Variants in UNC13C observed in about 807,000 individuals in gnomAD.
UNC13C encodes the protein protein unc-13 homolog C.
In UNC13C, 174 loss-of-function variants were observed where a neutral mutation model predicts 245.4. The observed-to-expected ratio is 0.71, with a 90% CI of 0.63 to 0.80. The LOEUF (loss-of-function observed/expected upper bound fraction) is 0.80, where lower values mean the gene tolerates loss of function less well. UNC13C is among the 30% of genes least tolerant of loss of function. The pLI is 0.00. For synonymous variants in UNC13C, 992 were observed against 895.1 expected (o/e 1.11, Z -1.93); for missense variants, 2,829 against 2,602.9 (o/e 1.09, Z -1.89).
chr15:53,877,307 C>T, the UNC13C span, among the ~76,000 whole-genome samples: 1 of 152,154 alleles, frequency 6.6e-6, no homozygotes, highest in Non-Finnish European at 1.5e-5. Flanking sequence ...CTCTCCAATG[C>T]CTTCTGCCCC....
intron 4 of UNC13C, among the ~76,000 whole-genome samples, chr15:54,156,879 A>T (rs933490568): frequency 2.6e-5 from 4 of 151,682 alleles, no homozygotes; most frequent in Non-Finnish European, 5.9e-5. Context: ...AAGTCTTATC[A>T]TAAAGAAAAA....
chr15:53,891,785 G>A, the UNC13C span, among the ~76,000 whole-genome samples: 1 of 152,170 alleles, frequency 6.6e-6, no homozygotes, highest in Admixed American at 6.5e-5. Flanking sequence ...CCTGAATACA[G>A]CACACCGATG....
intron 19 of UNC13C, among the ~76,000 whole-genome samples, chr15:54,455,201 CTCTCTATATATATATATA>C (rs1891427550): frequency 3.0e-5 from 1 of 33,286 alleles, no homozygotes; most frequent in South Asian, 2.1e-3. Flanking sequence ...CTCTCTCTCT[CTCTCTATATATATATATA>C]TATATATATA....
chr15:54,101,539 T>G (rs1193793060), intron 2 of UNC13C, among the ~76,000 whole-genome samples: 1 of 152,096 alleles, frequency 6.6e-6, no homozygotes, highest in Non-Finnish European at 1.5e-5. Context: ...GGTCAAGTGT[T>G]GGAGAGACAT....
At chr15:54,125,467 G>GATA (rs1291287342) in intron 2 of UNC13C, among the ~76,000 whole-genome samples, 1 of 151,812 alleles carries the variant, frequency 6.6e-6, no homozygotes, top group African/African-American at 2.4e-5. Context: ...CATCTAAAAA[G>GATA]ATAATAATAA....
chr15:53,923,483 C>T, the UNC13C span, among the ~76,000 whole-genome samples: 1 of 152,198 alleles, frequency 6.6e-6, no homozygotes, highest in Non-Finnish European at 1.5e-5. Flanking sequence ...ATTGTGATAA[C>T]TTGACTAACC....
intron 17 of UNC13C, among the ~76,000 whole-genome samples, chr15:54,371,315 G>C (rs552137388): frequency 6.6e-6 from 1 of 151,992 alleles, no homozygotes; most frequent in Non-Finnish European, 1.5e-5. Context: ...TTCATTTAAC[G>C]TAACTGGAAT....
At chr15:53,851,358 T>C in the UNC13C span, among the ~76,000 whole-genome samples, 7 of 152,174 alleles carry the variant, frequency 4.6e-5, no homozygotes, top group Non-Finnish European at 8.8e-5. Flanking sequence ...TTAAAGCCCC[T>C]TCAGGTTAAA....
chr15:54,265,438 A>T lies in UNC13C; in HGVS notation c.3760A>T (p.Arg1254Ter). 6.4e-7 allele frequency: 1 copy of T among 1,574,330 alleles called. No individual in the cohort carries two copies. Among genetic ancestry groups the T allele is most frequent in the Non-Finnish European group, 8.6e-7 (1 of 1,157,360 alleles). ...YVTVQVGKNK[R>*]RTKTIFGNLN... ...TACAGTTCAAGTTGGAAAGAACAAAAGAAGAACAAAAACCATTTTTGGAAA... is the reference window on the plus strand; with the variant it reads ...TACAGTTCAAGTTGGAAAGAACAAATGAAGAACAAAAACCATTTTTGGAAA... The change falls in exon 10 of 33, where the codon AGA becomes TGA. Residue 1254 changes from arginine to a stop codon, truncating the protein, a stop_gained. Transcript: ENST00000260323. LOFTEE classifies it high-confidence loss of function.
At chr15:54,448,251 T>C (rs1331128440) in intron 19 of UNC13C, among the ~76,000 whole-genome samples, 1 of 152,206 alleles carries the variant, frequency 6.6e-6, no homozygotes, top group African/African-American at 2.4e-5. Flanking sequence ...GTATATTCTG[T>C]TGATTTGGGG....
chr15:53,968,900 C>G, the UNC13C span, among the ~76,000 whole-genome samples: 1 of 152,174 alleles, frequency 6.6e-6, no homozygotes, highest in African/African-American at 2.4e-5. Flanking sequence ...TCTCATTAGG[C>G]AACTGTTGTT....
intron 19 of UNC13C, among the ~76,000 whole-genome samples, chr15:54,470,753 G>A (rs1480476448): frequency 6.6e-6 from 1 of 150,676 alleles, no homozygotes; most frequent in Admixed American, 6.6e-5. Flanking sequence ...ATTTATTTAT[G>A]CTTTGATCTT....
At chr15:53,995,862 G>A (rs1047728458) in intron 1 of UNC13C, among the ~76,000 whole-genome samples, 3 of 152,190 alleles carry the variant, frequency 2.0e-5, no homozygotes, top group African/African-American at 7.2e-5. Context: ...GTGAGAGGTT[G>A]GAGATGAAAG....
At chr15:53,847,466 C>T in the UNC13C span, among the ~76,000 whole-genome samples, 1,709 of 151,684 alleles carry the variant, frequency 0.011, 28 homozygotes, top group African/African-American at 0.039. Context: ...AAGTGATTCT[C>T]CTGCCTCAGC....
At chr15:54,628,751 T>C (rs886872339), downstream of UNC13C, 1 of 152,180 alleles carries the variant, frequency 6.6e-6, no homozygotes, top group Non-Finnish European at 1.5e-5. Context: ...GATGTCAGAA[T>C]GGTTATTATT....
At chr15:54,434,356 C>A (rs1201567430) in intron 19 of UNC13C, among the ~76,000 whole-genome samples, 1 of 152,056 alleles carries the variant, frequency 6.6e-6, no homozygotes, top group Non-Finnish European at 1.5e-5. Flanking sequence ...GCTATAGTAA[C>A]CAAACAGCAT....
At chr15:54,096,826 T>A (rs1361273789) in intron 2 of UNC13C, among the ~76,000 whole-genome samples, 1 of 152,146 alleles carries the variant, frequency 6.6e-6, no homozygotes, top group Non-Finnish European at 1.5e-5. Context: ...ATTTGCCTAT[T>A]TCTCTCTCTA....
At chr15:53,972,895 C>A in the UNC13C span, 1 of 152,118 alleles carries the variant, frequency 6.6e-6, no homozygotes, top group Non-Finnish European at 1.5e-5. Flanking sequence ...CAATATTGAA[C>A]AAGATTGCTC....
intron 4 of UNC13C, among the ~76,000 whole-genome samples, chr15:54,214,364 G>A (rs527495081): frequency 1.1e-4 from 16 of 151,982 alleles, no homozygotes; most frequent in African/African-American, 3.9e-4. Flanking sequence ...AAACTACTCG[G>A]TGAGATGTGT....
Sources: allele counts gnomAD v4.1 joint callset (sites outside exome capture counted in the v4.1 genomes callset), GRCh38; gene constraint gnomAD v4.1.1; transcripts MANE v1.5; gene names NCBI Gene and HGNC (gene_info 2026-07-23, HGNC 2026-07-21).